Variants in CRISP2 observed in about 807,000 individuals in gnomAD.
CRISP2 encodes the protein cysteine-rich secretory protein 2.
Under a neutral mutation model 31.7 loss-of-function variants are expected in CRISP2, and 29 were observed. That is an observed-to-expected ratio of 0.92 (90% CI 0.68 to 1.25). The LOEUF (loss-of-function observed/expected upper bound fraction) is 1.25. Ranked by LOEUF, CRISP2 falls within the 50% of genes most tolerant of loss-of-function variation. The pLI is 0.00. For missense variants in CRISP2, 318 were observed against 286.5 expected, an observed-to-expected ratio of 1.11 and a Z score of -0.79; for synonymous variants, 111 against 101.4, an observed-to-expected ratio of 1.09 and a Z score of -0.57.
chr6:49,706,505 T>C (rs1767057619), intron 4 of CRISP2, among the ~76,000 whole-genome samples: 1 of 152,162 alleles, frequency 6.6e-6, no homozygotes, highest in Non-Finnish European at 1.5e-5. Flanking sequence ...TATGTTTGGT[T>C]TATCTTTGTG....
the CRISP2 span, among the ~76,000 whole-genome samples, chr6:49,685,985 C>T: frequency 6.6e-6 from 1 of 152,138 alleles, no homozygotes; most frequent in African/African-American, 2.4e-5. Context: ...TCCAACCAGC[C>T]CACCCCATTC....
At chr6:49,690,214 A>G (rs1452188608), downstream of CRISP2, among the ~76,000 whole-genome samples, 1 of 152,156 alleles carries the variant, frequency 6.6e-6, no homozygotes, top group East Asian at 1.9e-4. Context: ...ATACTGAATG[A>G]TAGCCTACCA....
downstream of CRISP2, among the ~76,000 whole-genome samples, chr6:49,687,783 C>T (rs1581995566): frequency 6.6e-6 from 1 of 152,182 alleles, no homozygotes. Context: ...TTTCTCCTCT[C>T]ATGTACTCAG....
chr6:49,699,390 A>G (rs533925871), intron 6 of CRISP2, among the ~76,000 whole-genome samples: 54 of 152,246 alleles, frequency 3.5e-4, no homozygotes, highest in African/African-American at 1.2e-3. Flanking sequence ...AATAGATTTC[A>G]AAACATCAGA....
downstream of CRISP2, chr6:49,692,275 AATCAT>A (rs1158144143): frequency 6.6e-6 from 1 of 152,320 alleles, no homozygotes; most frequent in African/African-American, 2.4e-5. Context: ...ATTGCATAAG[AATCAT>A]ATCATATGGT....
In CRISP2 at chr6:49,698,870, C is replaced by T. The variant is rs566418004; in HGVS notation, c.272-363G>A. Reference sequence around the variant, plus strand: ...TATATTCTGTTTTCTGCTCTAGTAACCCTCAACAGAGATTTTTCAAATATA... The same window carrying T: ...TATATTCTGTTTTCTGCTCTAGTAATCCTCAACAGAGATTTTTCAAATATA... On this transcript the variant is annotated intron_variant, in intron 6 of 9. Transcript: ENST00000339139. Among the ~76,000 whole-genome samples the T allele has an allele frequency of 2.9e-4, 44 of 152,156 alleles. 2 individuals carry two copies. The South Asian group carries it at 5.8e-3, about 20-fold the overall frequency.
chr6:49,682,587 TTTTCTTTCTTTCTTTCTTTCTTTC>T, the CRISP2 span, among the ~76,000 whole-genome samples: 20 of 83,666 alleles, frequency 2.4e-4, no homozygotes, highest in Admixed American at 9.4e-4. Context: ...CTTTCTTTCT[TTTTCTTTCTTTCTTTCTTTCTTTC>T]TTTCTTTCTT....
chr6:49,706,049 C>A (rs1358572009), intron 4 of CRISP2, among the ~76,000 whole-genome samples: 1 of 152,168 alleles, frequency 6.6e-6, no homozygotes, highest in Admixed American at 6.6e-5. Context: ...TTAGTCCTGC[C>A]TCCTATCTGC....
chr6:49,690,965 T>C (rs1019712826), downstream of CRISP2, among the ~76,000 whole-genome samples: 12 of 151,910 alleles, frequency 7.9e-5, no homozygotes, highest in African/African-American at 2.9e-4. Context: ...GTTTTTTTTT[T>C]TAACCAGTCA....
chr6:49,692,269 C>T (rs1764094232), downstream of CRISP2: 1 of 152,124 alleles, frequency 6.6e-6, no homozygotes, highest in Non-Finnish European at 1.5e-5. Context: ...ATAAATATTG[C>T]ATAAGAATCA....
chr6:49,687,313 G>T, the CRISP2 span, among the ~76,000 whole-genome samples: 6 of 152,090 alleles, frequency 3.9e-5, no homozygotes, highest in Non-Finnish European at 8.8e-5. Context: ...TAATGTATTA[G>T]CATATTCAAT....
At chr6:49,691,690 T>C (rs1458837039), downstream of CRISP2, among the ~76,000 whole-genome samples, 1 of 152,094 alleles carries the variant, frequency 6.6e-6, no homozygotes, top group Non-Finnish European at 1.5e-5. Flanking sequence ...TGTAATTTTC[T>C]GGAAGAAACT....
At chr6:49,682,615 CT>C in the CRISP2 span, among the ~76,000 whole-genome samples, 575 of 67,890 alleles carry the variant, frequency 8.5e-3, 5 homozygotes, top group Admixed American at 0.015. Flanking sequence ...TTCTTTCTTT[CT>C]TTCTTTCTTT....
downstream of CRISP2, among the ~76,000 whole-genome samples, chr6:49,690,299 T>C (rs1764009486): frequency 6.6e-6 from 1 of 152,110 alleles, no homozygotes; most frequent in Non-Finnish European, 1.5e-5. Flanking sequence ...GGTAACTTAA[T>C]ATTTAATAGA....
At chr6:49,682,254 G>A in the CRISP2 span, among the ~76,000 whole-genome samples, 1 of 151,924 alleles carries the variant, frequency 6.6e-6, no homozygotes, top group South Asian at 2.1e-4. Context: ...GTGGTATTGT[G>A]GCTTTAGGTG....
At chr6:49,707,135 G>T (rs1048479462) in intron 4 of CRISP2, among the ~76,000 whole-genome samples, 1 of 152,212 alleles carries the variant, frequency 6.6e-6, no homozygotes, top group East Asian at 1.9e-4. Flanking sequence ...ATTTTTAAAT[G>T]TGTTAATAAA....
At chr6:49,679,094 A>C in the CRISP2 span, among the ~76,000 whole-genome samples, 2 of 152,196 alleles carry the variant, frequency 1.3e-5, no homozygotes, top group Non-Finnish European at 2.9e-5. Flanking sequence ...ACTTTTATTG[A>C]GTGAACATTT....
Position 49,704,162 on chromosome 6 carries a change from T to C in CRISP2, c.67-3378A>G, listed in dbSNP as rs142443765. On this transcript the variant is annotated intron_variant, in intron 4 of 9. Transcript: ENST00000339139. ...ATTTTATTGTTGAAACTTTCCAGTA[T>C]TTTTTGCATTTCTCTAAGTGTGTCT... Among the ~76,000 whole-genome samples, 461 of 152,268 alleles carry C rather than the reference T, an allele frequency of 3.0e-3. 3 individuals are homozygous for C. Among genetic ancestry groups the C allele is most frequent in the African/African-American group, 0.011 (448 of 41,572 alleles).
At chr6:49,688,553 T>C (rs565960536), downstream of CRISP2, among the ~76,000 whole-genome samples, 7 of 152,256 alleles carry the variant, frequency 4.6e-5, no homozygotes, top group Middle Eastern at 3.4e-3. Context: ...AGCCATTATA[T>C]TGTGATGAGA....
Sources: gnomAD v4.1 joint callset for allele counts (sites outside exome capture counted in the v4.1 genomes callset) on GRCh38, gnomAD v4.1.1 for gene constraint, MANE v1.5 for transcripts, NCBI Gene and HGNC (gene_info 2026-07-23, HGNC 2026-07-21) for gene names.